FAM120B: variants seen among roughly 807,000 people sequenced by gnomAD.
FAM120B encodes family with sequence similarity 120 member B.
A neutral mutation model predicts 96.3 loss-of-function variants in FAM120B; 83 were observed. The ratio of observed to expected loss-of-function variants is 0.86; its 90% CI spans 0.72 to 1.03. FAM120B has a LOEUF of 1.03. Among genes scored for constraint, FAM120B ranks in the 50% least tolerant of loss-of-function variants. FAM120B has a pLI of 0.00. For missense variants in FAM120B, 1,027 were observed against 1,121.2 expected (o/e 0.92, Z 1.20); for synonymous variants, 407 against 402.7 (o/e 1.01, Z -0.13).
rs1317056958 is a variant in FAM120B, at chr6:170,406,370, A to G, written c.*1619A>G. On this transcript the variant is annotated 3_prime_UTR_variant, in exon 11 of 11. Transcript: ENST00000476287. The stretch of plus-strand genomic sequence containing the variant: ...TCCTTCTGGTTGTTGCTCTTTAAAA[A>G]CAAAATAAGCCCCTGAACGTGCTTG... 5 of 152,148 alleles carry G rather than the reference A, an allele frequency of 3.3e-5. No homozygotes were observed. Among genetic ancestry groups the G allele is most frequent in the African/African-American group, 1.2e-4 (5 of 41,420 alleles). 9.4% of individuals were successfully genotyped at this position (152,148 alleles called of 1,614,324 possible). A position where few individuals can be genotyped will look rare whatever the true frequency, so the allele number is the denominator to read the frequency against.
At chr6:170,303,003 T>C (rs1784174021), upstream of FAM120B, among the ~76,000 whole-genome samples, 1 of 152,228 alleles carries the variant, frequency 6.6e-6, no homozygotes, top group Non-Finnish European at 1.5e-5. Flanking sequence ...TTAGACAGAT[T>C]GGAATTTGAG....
rs919393211 is a variant in FAM120B, at chr6:170,317,625, A to G, written c.235A>G (p.Thr79Ala). ...TTTGCGAGATTTTGTTAAAACTTTT[A>G]CGGCAGCTGGGATCAAGTTGATATT... is the stretch of plus-strand genomic sequence containing the variant. ...SALRDFVKTF[T>A]AAGIKLIFFF... Residue 79 changes from threonine (T) to alanine (A), a missense_variant, in exon 2 of 11, where the codon ACG becomes GCG. By Grantham distance (58) the Thr-to-Ala change is moderately conservative. This residue lies in a region of FAM120B where 880 missense variants were observed against 980.9 expected (regional missense o/e 0.90). Coordinates refer to ENST00000476287, the MANE Select transcript of FAM120B (RefSeq NM_032448.3). The G allele has an allele frequency of 1.2e-6, 2 of 1,614,168 alleles. No homozygotes were observed. The highest frequency in any genetic ancestry group is 1.7e-6 in the Non-Finnish European group (2 of 1,180,030).
At chr6:170,346,905 A>G (rs1054379685) in intron 4 of FAM120B, among the ~76,000 whole-genome samples, 3 of 152,178 alleles carry the variant, frequency 2.0e-5, no homozygotes, top group Non-Finnish European at 4.4e-5. Flanking sequence ...TATCTTAAGT[A>G]CTACTGCCAT....
chr6:170,377,965 AG>A (rs2115275018), intron 6 of FAM120B, among the ~76,000 whole-genome samples: 1 of 142,430 alleles, frequency 7.0e-6, no homozygotes, highest in Admixed American at 7.0e-5. Context: ...CTTAGAACAG[AG>A]CAGTTAACTG....
At chr6:170,356,997 T>G (rs1160923088) in intron 5 of FAM120B, among the ~76,000 whole-genome samples, 3 of 152,132 alleles carry the variant, frequency 2.0e-5, no homozygotes. Context: ...CCCACCCTGG[T>G]GGAAGCAAAT....
intron 2 of FAM120B, among the ~76,000 whole-genome samples, chr6:170,320,757 A>T (rs1447830946): frequency 6.6e-6 from 1 of 152,210 alleles, no homozygotes; most frequent in East Asian, 1.9e-4. Flanking sequence ...GTAAAAGATG[A>T]TGTGGGATGG....
At chr6:170,320,347 A>G (rs1394702629) in intron 2 of FAM120B, among the ~76,000 whole-genome samples, 2 of 152,200 alleles carry the variant, frequency 1.3e-5, no homozygotes, top group African/African-American at 4.8e-5. Context: ...TTAAGCAGGT[A>G]TATCGATATG....
chr6:170,297,349 G>T (rs186888809), intron 1 of FAM120B, among the ~76,000 whole-genome samples: 3 of 152,336 alleles, frequency 2.0e-5, no homozygotes, highest in African/African-American at 7.2e-5. Context: ...AGCATCTGCC[G>T]GGGAGAACAG....
chr6:170,316,139 T>C (rs1393678397), intron 1 of FAM120B, among the ~76,000 whole-genome samples: 3 of 151,980 alleles, frequency 2.0e-5, no homozygotes, highest in African/African-American at 7.3e-5. Flanking sequence ...CCTAACAATT[T>C]ATAGTTTCTT....
chr6:170,374,014 G>A (rs537303143), intron 6 of FAM120B, among the ~76,000 whole-genome samples: 6 of 152,222 alleles, frequency 3.9e-5, no homozygotes, highest in African/African-American at 1.4e-4. Context: ...TGGCATGCCA[G>A]ATCATTCCTC....
At position 170,363,140 on chromosome 6, in the gene FAM120B, G is replaced by A. The variant is rs1006350537; in HGVS notation, c.2283+4822G>A. Among the ~76,000 whole-genome samples, 6 of 152,060 alleles carry A rather than the reference G, an allele frequency of 3.9e-5. No individual in the cohort carries two copies. Among genetic ancestry groups the A allele is most frequent in the Admixed American group, 1.3e-4 (2 of 15,262 alleles). ...CTCCTGCTGGCTTTGTCTCCAGCCC[G>A]CTCTCCAGGTGGAGGCTCTGACTGT... On this transcript the variant is annotated intron_variant, in intron 6 of 10. Transcript: ENST00000476287. This position sits in a 1 kb window ranked among gnomAD's most constrained non-coding sequence, Gnocchi z 4.5.
intron 6 of FAM120B, among the ~76,000 whole-genome samples, chr6:170,368,399 C>T (rs1488118626): frequency 6.6e-6 from 1 of 152,166 alleles, no homozygotes; most frequent in East Asian, 1.9e-4. Context: ...CTCAGTGCTG[C>T]TCTTGGTGAA....
At chr6:170,401,123 C>G (rs144271056) in intron 9 of FAM120B, among the ~76,000 whole-genome samples, 69 of 152,344 alleles carry the variant, frequency 4.5e-4, no homozygotes, top group African/African-American at 1.1e-3. Context: ...TAGTCATCCT[C>G]AGCCCTGGGT....
chr6:170,402,859 ACAC>A (rs1291755372), intron 9 of FAM120B, among the ~76,000 whole-genome samples: 3 of 152,204 alleles, frequency 2.0e-5, no homozygotes, highest in Admixed American at 2.0e-4. Context: ...CTGGAGCCTA[ACAC>A]CACTTCAAGG....
intron 2 of FAM120B, 122 bp downstream of exon 2, chr6:170,319,246 T>C (rs1190598081): frequency 1.1e-6 from 1 of 905,990 alleles, no homozygotes; most frequent in African/African-American, 1.7e-5. Context: ...CAGGAGTCTC[T>C]AAGTCTCGTT....
chr6:170,296,263 G>A (rs1784003130), intron 1 of FAM120B, among the ~76,000 whole-genome samples: 1 of 152,134 alleles, frequency 6.6e-6, no homozygotes, highest in Admixed American at 6.5e-5. Context: ...CCCAGGGAGG[G>A]GCTGTTTTCA....
At chr6:170,340,287 T>G (rs1298636904) in intron 4 of FAM120B, among the ~76,000 whole-genome samples, 1 of 152,244 alleles carries the variant, frequency 6.6e-6, no homozygotes, top group Non-Finnish European at 1.5e-5. Context: ...GATTTGGCTA[T>G]TGATACTTGT....
upstream of FAM120B, chr6:170,290,907 C>G: frequency 1.4e-6 from 1 of 694,908 alleles, no homozygotes; most frequent in East Asian, 2.7e-5. The surrounding 1 kb of genome is among the most constrained non-coding windows in gnomAD (Gnocchi z 4.7). Context: ...GTCGGGTCTC[C>G]GCGGGTGCGC....
At chr6:170,398,044 G>A (rs536600168) in intron 9 of FAM120B, among the ~76,000 whole-genome samples, 1 of 152,330 alleles carries the variant, frequency 6.6e-6, no homozygotes, top group East Asian at 1.9e-4. Flanking sequence ...ATAGTCAAGA[G>A]AGTCCACAGT....
Sources: gnomAD v4.1 joint callset for allele counts (sites outside exome capture counted in the v4.1 genomes callset) on GRCh38, gnomAD v4.1.1 for gene constraint, gnomAD v4.1.1 regional missense constraint, Gnocchi (gnomAD v3.1) non-coding constraint, MANE v1.5 for transcripts, NCBI Gene and HGNC (gene_info 2026-07-23, HGNC 2026-07-21) for gene names.